ITIH3: variants seen among roughly 807,000 people sequenced by gnomAD.
ITIH3 encodes the protein inter-alpha-trypsin inhibitor heavy chain H3.
In ITIH3, 81 loss-of-function variants were observed where a neutral mutation model predicts 96.5. The ratio of observed to expected loss-of-function variants is 0.84; its 90% CI spans 0.70 to 1.01. The LOEUF is 1.01. Among genes scored for constraint, ITIH3 ranks in the 50% least tolerant of loss-of-function variants. The pLI, the probability that ITIH3 is intolerant of heterozygous loss-of-function variation, is 0.00. For synonymous variants in ITIH3, 422 were observed against 445.2 expected (o/e 0.95, Z 0.66); for missense variants, 1,057 against 1,139.3 (o/e 0.93, Z 1.04).
Position 52,795,564 on chromosome 3 carries a change from G to A in ITIH3, c.94-39G>A. 1.9e-6 allele frequency: 3 copies of A among 1,599,360 alleles called. No homozygotes were observed. The South Asian group carries it at 3.4e-5, about 18-fold the overall frequency. On this transcript the variant is annotated intron_variant, in intron 1 of 21. Transcript: ENST00000449956. ...CCATGCGGCCTTGGTGTTGGCCTTG[G>A]CCTGATTCCTGTGTTTGTGTTTGTT...
In ITIH3 at chr3:52,802,748, G is replaced by C. The variant is rs749165416; in HGVS notation, c.1651G>C (p.Gly551Arg). 6.2e-7 allele frequency: 1 copy of C among 1,613,986 alleles called. No homozygotes were observed. The highest frequency in any genetic ancestry group is 8.5e-7 in the Non-Finnish European group (1 of 1,179,876). The stretch of plus-strand genomic sequence containing the variant: ...CCTGCAGGAGCGGGACTACATCTTC[G>C]GGAATTACATTGAGCGGCTCTGGGC... The part of the protein sequence containing the change: ...KALQERDYIF[G>R]NYIERLWAYL... The change falls in exon 13 of 22, where the codon GGG becomes CGG. Residue 551 changes from glycine to arginine, a missense_variant. Transcript: ENST00000449956.
rs766899457 is a variant in ITIH3 at position 52,802,542 on chromosome 3, A to T, written c.1569+23A>T. On this transcript the variant is annotated intron_variant, in intron 12 of 21. Coordinates refer to ENST00000449956, the MANE Select transcript of ITIH3 (RefSeq NM_002217.4). ...GGGGTGAGTGGGGACAGGGCCTGGA[A>T]GTGTGCTGGGGATGGGGTATCAGCA... 6 of 1,613,216 alleles carry T rather than the reference A, an allele frequency of 3.7e-6. No homozygotes were observed. In the South Asian group the frequency reaches 6.6e-5, roughly 18 times the overall value.
chr3:52,800,833 C>T, intron 10 of ITIH3, 132 bp from the exon 11 acceptor site: 2 of 1,463,658 alleles, frequency 1.4e-6, no homozygotes, highest in South Asian at 1.3e-5. Flanking sequence ...CTCTCCACCA[C>T]CTGCCCCACA....
At chr3:52,804,518 T>C (rs1417283889) in intron 14 of ITIH3, 10 of 576,250 alleles carry the variant, frequency 1.7e-5, no homozygotes, top group South Asian at 1.4e-4. Flanking sequence ...TTGGGAGACA[T>C]GGGAGGCAAA....
intron 3 of ITIH3, 45 bp downstream of exon 3, chr3:52,796,692 G>T (rs374313576): frequency 2.4e-4 from 393 of 1,605,772 alleles, no homozygotes; most frequent in Admixed American, 3.5e-4. Context: ...GGAACAGGGG[G>T]TCTGGCCCAG....
intron 21 of ITIH3, 59 bp downstream of exon 21, chr3:52,808,280 T>C: frequency 7.1e-7 from 1 of 1,404,052 alleles, no homozygotes; most frequent in Non-Finnish European, 1.0e-6. Context: ...AAAGAGCACC[T>C]GCAGCCCAGG....
chr3:52,800,823 C>T (rs1323458902), intron 10 of ITIH3, 142 bp from the exon 11 acceptor site: 3 of 1,448,436 alleles, frequency 2.1e-6, no homozygotes, highest in African/African-American at 1.4e-5. Context: ...TCTGCCAGGG[C>T]TCTCCACCAC....
In ITIH3 at chr3:52,806,440, G is replaced by A. The variant is rs373801814; in HGVS notation, c.2056+34G>A. 1,271 of 1,551,184 alleles carry A rather than the reference G, an allele frequency of 8.2e-4. 2 individuals carry two copies. Among genetic ancestry groups the A allele is most frequent in the Non-Finnish European group, 1.0e-3 (1,188 of 1,133,136 alleles). ...TGTGGGCTAGGGCCGGGGCCAGGGGGCTCTTCCTGGGAGGGCTTGGGTCCC... is the reference window on the plus strand; with the variant it reads ...TGTGGGCTAGGGCCGGGGCCAGGGGACTCTTCCTGGGAGGGCTTGGGTCCC... On this transcript the variant is annotated intron_variant, in intron 18 of 21. Transcript: ENST00000449956.
Position 52,808,754 on chromosome 3 carries a change from G to T in ITIH3, c.*73G>T. The stretch of plus-strand genomic sequence containing the variant: ...ATCTGGAACATGGGCACAGAGAGGG[G>T]CCTGTGGGAGGGGCTGGGAAAATAA... On this transcript the variant is annotated 3_prime_UTR_variant, in exon 22 of 22. Coordinates refer to ENST00000449956, the MANE Select transcript of ITIH3 (RefSeq NM_002217.4). 1 of 1,557,150 alleles carries T rather than the reference G, an allele frequency of 6.4e-7. No individual in the cohort carries two copies. Among genetic ancestry groups the T allele is most frequent in the Non-Finnish European group, 8.8e-7 (1 of 1,133,358 alleles).
At chr3:52,807,975 C>T in intron 20 of ITIH3, 59 bp downstream of exon 20, 2 of 1,586,188 alleles carry the variant, frequency 1.3e-6, no homozygotes, top group South Asian at 1.1e-5. Flanking sequence ...GAAAGACATA[C>T]ACAAGGCCTT....
intron 7 of ITIH3, 131 bp from the exon 8 acceptor site, chr3:52,799,241 A>G: frequency 1.7e-6 from 2 of 1,198,894 alleles, no homozygotes; most frequent in Non-Finnish European, 2.4e-6. Context: ...AGCCTGGTGC[A>G]GCACCCCCTA....
chr3:52,795,239 G>A (rs1699531107), intron 1 of ITIH3, among the ~76,000 whole-genome samples: 3 of 152,224 alleles, frequency 2.0e-5, no homozygotes, highest in Admixed American at 1.3e-4. Context: ...GGGGTGTGGC[G>A]GGGGCAGGGG....
Position 52,806,382 on chromosome 3 carries a change from C to A in ITIH3, c.2032C>A (p.Arg678Ser), listed in dbSNP as rs773229579. The A allele has an allele frequency of 6.2e-7, 1 of 1,613,568 alleles. No homozygotes were observed. Among genetic ancestry groups the A allele is most frequent in the African/African-American group, 1.3e-5 (1 of 75,048 alleles). ...CGATGAAGCCCCAGGCACAGTGCTG[C>A]GCCTTATTCAGGATGCAGTCACAGG... is the stretch of plus-strand genomic sequence containing the variant. ...NIDEAPGTVLRLIQDAVTGLT... is the reference protein window; with the variant it reads ...NIDEAPGTVLSLIQDAVTGLT... Residue 678 changes from arginine (R) to serine (S), a missense_variant, in exon 18 of 22, where the codon CGC (arginine) becomes AGC (serine). Coordinates refer to ENST00000449956, the MANE Select transcript of ITIH3 (RefSeq NM_002217.4).
rs762982835 is a variant in ITIH3 at position 52,796,778 on chromosome 3, G to A, written c.321G>A (p.Glu107=). ...TTACCTACCCTGGGAATGTCAAGGA[G>A]AAGGAAGTTGCCAAGAAGCAGTATG... ...DGVTYPGNVK[E]KEVAKKQYEK... The change falls in exon 4 of 22, where the codon GAG becomes GAA. Residue 107 remains glutamate, a synonymous_variant. Transcript: ENST00000449956. 6.2e-7 allele frequency: 1 copy of A among 1,612,968 alleles called. No individual in the cohort carries two copies. The highest frequency in any genetic ancestry group is 8.5e-7 in the Non-Finnish European group (1 of 1,179,582).
At chr3:52,799,549 T>G in intron 8 of ITIH3, 61 bp downstream of exon 8, 1 of 1,271,614 alleles carries the variant, frequency 7.9e-7, no homozygotes, top group African/African-American at 1.5e-5. Context: ...GAGATTTTTT[T>G]TTTTAACTGG....
At chr3:52,798,807 C>G (rs548145859) in intron 6 of ITIH3, 159 bp from the exon 7 acceptor site, 1 of 786,034 alleles carries the variant, frequency 1.3e-6, no homozygotes, top group Non-Finnish European at 2.0e-6. Context: ...ACGCCACCGG[C>G]GGGCAGGGCT....
At chr3:52,798,051 G>A in intron 6 of ITIH3, 121 bp downstream of exon 6, 1 of 644,942 alleles carries the variant, frequency 1.6e-6, no homozygotes, top group Non-Finnish European at 2.7e-6. Flanking sequence ...TGGGGCTGGG[G>A]ATCAATCTGC....
Position 52,808,686 on chromosome 3 carries a change from A to G in ITIH3, c.*5A>G. The G allele has an allele frequency of 6.2e-7, 1 of 1,600,918 alleles. No homozygotes were observed. Among genetic ancestry groups the G allele is most frequent in the Non-Finnish European group, 8.6e-7 (1 of 1,168,846 alleles). ...ATTGTCCCCAACCTGTTTTGAGTAGACACACCAGCTCCTGTTGGGATGGAT... is the reference window on the plus strand; with the variant it reads ...ATTGTCCCCAACCTGTTTTGAGTAGGCACACCAGCTCCTGTTGGGATGGAT... On this transcript the variant is annotated 3_prime_UTR_variant, in exon 22 of 22. Coordinates refer to ENST00000449956, the MANE Select transcript of ITIH3 (RefSeq NM_002217.4).
chr3:52,796,944 G>A (rs145209223), intron 4 of ITIH3, 101 bp downstream of exon 4: 11 of 1,173,672 alleles, frequency 9.4e-6, no homozygotes, highest in Middle Eastern at 4.2e-4. Flanking sequence ...ATAGCAAAAT[G>A]TGCCCATAAT....
Sources: allele counts gnomAD v4.1 joint callset (sites outside exome capture counted in the v4.1 genomes callset), GRCh38; gene constraint gnomAD v4.1.1; transcripts MANE v1.5; gene names NCBI Gene and HGNC (gene_info 2026-07-23, HGNC 2026-07-21).